CLASP1: variants seen among roughly 807,000 people sequenced by gnomAD.
CLASP1 encodes the protein cytoplasmic linker associated protein 1.
CLASP1 carries 38 observed loss-of-function variants against 192.3 expected under a neutral mutation model. The ratio of observed to expected loss-of-function variants is 0.20; its 90% CI spans 0.15 to 0.26. The LOEUF is 0.26. Ranked by LOEUF, CLASP1 falls within the 10% of genes least tolerant of loss-of-function variation. The probability of loss-of-function intolerance (pLI) is 1.00; values close to 1 mark genes in which losing one functional copy is unlikely to be tolerated. For missense variants in CLASP1, 1,433 were observed against 1,932.5 expected, an observed-to-expected ratio of 0.74 and a Z score of 4.85; for synonymous variants, 691 against 712.8, an observed-to-expected ratio of 0.97 and a Z score of 0.49.
chr2:121,404,022 TA>T (rs1411123931), intron 26 of CLASP1, among the ~76,000 whole-genome samples: 2 of 152,262 alleles, frequency 1.3e-5, no homozygotes, highest in East Asian at 1.9e-4. Context: ...ACTATAACAT[TA>T]AAAAATGCAT....
At chr2:121,435,419 C>A (rs1016674536) in intron 19 of CLASP1, among the ~76,000 whole-genome samples, 1 of 152,124 alleles carries the variant, frequency 6.6e-6, no homozygotes, top group Non-Finnish European at 1.5e-5. Context: ...GGAATACAGG[C>A]ATGTGCCACC....
chr2:121,465,103 C>G (rs1240394068), intron 9 of CLASP1, among the ~76,000 whole-genome samples: 2 of 152,166 alleles, frequency 1.3e-5, no homozygotes, highest in African/African-American at 4.8e-5. Context: ...CCTTTGAAAA[C>G]TGGCACAAGA....
chr2:121,366,016 C>G (rs1157042389), intron 35 of CLASP1, among the ~76,000 whole-genome samples: 2 of 152,178 alleles, frequency 1.3e-5, no homozygotes, highest in Non-Finnish European at 2.9e-5. Flanking sequence ...ACAAATCAGA[C>G]AAGTTATTAG....
At chr2:121,374,803 A>T (rs907360773) in intron 34 of CLASP1, among the ~76,000 whole-genome samples, 1 of 152,224 alleles carries the variant, frequency 6.6e-6, no homozygotes, top group African/African-American at 2.4e-5. Flanking sequence ...GAATGGAAGC[A>T]TTTACCTAAT....
At chr2:121,616,277 T>C (rs764629877) in intron 1 of CLASP1, among the ~76,000 whole-genome samples, 2 of 151,986 alleles carry the variant, frequency 1.3e-5, no homozygotes, top group African/African-American at 4.8e-5. Flanking sequence ...TGAAACCCCG[T>C]CTCTACTAAA....
At chr2:121,379,566 T>C (rs1316336560) in intron 33 of CLASP1, among the ~76,000 whole-genome samples, 7 of 152,054 alleles carry the variant, frequency 4.6e-5, no homozygotes, top group African/African-American at 1.7e-4. Flanking sequence ...ACAAAAAATA[T>C]ATATACAAGA....
At chr2:121,482,491 T>A (rs1475822997) in intron 8 of CLASP1, among the ~76,000 whole-genome samples, 1 of 151,978 alleles carries the variant, frequency 6.6e-6, no homozygotes, top group Non-Finnish European at 1.5e-5. Flanking sequence ...CTAAGATCAG[T>A]CTTGAAGAAG....
At chr2:121,482,604 C>A (rs1428289440) in intron 8 of CLASP1, among the ~76,000 whole-genome samples, 1 of 151,980 alleles carries the variant, frequency 6.6e-6, no homozygotes, top group African/African-American at 2.4e-5. Flanking sequence ...TCCAGAGTAC[C>A]AAAGAGCACC....
At chr2:121,422,963 C>T (rs1378703999) in intron 22 of CLASP1, among the ~76,000 whole-genome samples, 2 of 151,780 alleles carry the variant, frequency 1.3e-5, no homozygotes, top group Non-Finnish European at 2.9e-5. Flanking sequence ...AACTGCTATA[C>T]AATGAGTCAA....
intron 6 of CLASP1, among the ~76,000 whole-genome samples, chr2:121,522,649 G>T (rs1210818254): frequency 2.6e-5 from 4 of 152,034 alleles, no homozygotes; most frequent in Admixed American, 6.6e-5. Context: ...TTTTTCGGTT[G>T]TATTATTATT....
intron 2 of CLASP1, among the ~76,000 whole-genome samples, chr2:121,558,442 G>A (rs979355517): frequency 1.3e-5 from 2 of 152,202 alleles, no homozygotes; most frequent in Admixed American, 6.5e-5. Context: ...ACTGAAAGGC[G>A]AGGCTTTTAA....
At chr2:121,466,115 G>GA (rs1487242233) in intron 9 of CLASP1, among the ~76,000 whole-genome samples, 1 of 152,020 alleles carries the variant, frequency 6.6e-6, no homozygotes, top group Non-Finnish European at 1.5e-5. Context: ...AATAGTTCAA[G>GA]AAAAAAGATT....
chr2:121,543,016 C>T lies in CLASP1; in HGVS notation c.196-12691G>A, dbSNP rs144276571. Among the ~76,000 whole-genome samples, 557 of 152,282 alleles carry T rather than the reference C, an allele frequency of 3.7e-3. 5 individuals carry two copies. The highest frequency in any genetic ancestry group is 0.013 in the African/African-American group (532 of 41,572). Reference sequence around the variant, plus strand: ...GATGTCCAATGCAGTAGCCACTAGCCGCATATGGTTACTGAGCAAACGAAA... The same window carrying T: ...GATGTCCAATGCAGTAGCCACTAGCTGCATATGGTTACTGAGCAAACGAAA... On this transcript the variant is annotated intron_variant, in intron 2 of 39. Coordinates refer to ENST00000263710, the Ensembl canonical transcript of CLASP1.
At chr2:121,459,080 G>A in intron 12 of CLASP1, 105 bp from the exon 13 acceptor site, 1 of 795,950 alleles carries the variant, frequency 1.3e-6, no homozygotes, top group Non-Finnish European at 1.8e-6. Context: ...ATCTAGAAAG[G>A]ACAAGGGTCT....
rs528002469 is a variant in CLASP1, at chr2:121,618,411, C to T, written c.-285-12231G>A. On this transcript the variant is annotated intron_variant, in intron 1 of 39. Transcript: ENST00000263710. ...CAAATACATATGGACAAAGCACAGA[C>T]GCAAGAGTGTGCGGCCTGTTCAGAG... Among the ~76,000 whole-genome samples, 27 of 152,266 alleles carry T rather than the reference C, an allele frequency of 1.8e-4. No homozygotes were observed. The South Asian group carries it at 3.7e-3, about 21-fold the overall frequency.
intron 22 of CLASP1, among the ~76,000 whole-genome samples, chr2:121,424,673 T>C (rs867649101): frequency 1.3e-5 from 2 of 152,218 alleles, no homozygotes; most frequent in Non-Finnish European, 2.9e-5. Context: ...CAAATCTATG[T>C]CAAAAGTAAC....
intron 35 of CLASP1, among the ~76,000 whole-genome samples, chr2:121,366,175 T>G (rs2067373515): frequency 6.6e-6 from 1 of 152,220 alleles, no homozygotes; most frequent in South Asian, 2.1e-4. Context: ...TAGTACACAG[T>G]TGGTGAATAA....
intron 1 of CLASP1, among the ~76,000 whole-genome samples, chr2:121,639,048 A>G (rs2071499023): frequency 6.6e-6 from 1 of 152,050 alleles, no homozygotes; most frequent in Non-Finnish European, 1.5e-5. Flanking sequence ...AGGCTGAGGT[A>G]GGCGGATCAC....
chr2:121,498,219 T>TTTTTTTTTC (rs2093612607), intron 8 of CLASP1, among the ~76,000 whole-genome samples: 4 of 149,100 alleles, frequency 2.7e-5, no homozygotes, highest in Admixed American at 1.3e-4. Flanking sequence ...TTTTTTTTTT[T>TTTTTTTTTC]CTGAGACGGA....
Sources: gnomAD v4.1 joint callset for allele counts (sites outside exome capture counted in the v4.1 genomes callset) on GRCh38, gnomAD v4.1.1 for gene constraint, MANE v1.5 for transcripts, NCBI Gene and HGNC (gene_info 2026-07-23, HGNC 2026-07-21) for gene names.